CRB1: variants seen among roughly 807,000 people sequenced by gnomAD.
CRB1 encodes the protein crumbs cell polarity complex component 1, also known as protein crumbs homolog 1.
CRB1 carries 83 observed loss-of-function variants against 120.0 expected under a neutral mutation model. That is an observed-to-expected ratio of 0.69 (90% CI 0.58 to 0.83). The LOEUF (loss-of-function observed/expected upper bound fraction) is 0.83. CRB1 is among the 40% of genes least tolerant of loss of function. CRB1 has a pLI of 0.00. For synonymous variants in CRB1, 625 were observed against 612.5 expected (o/e 1.02, Z -0.30); for missense variants, 1,699 against 1,687.6 (o/e 1.01, Z -0.12).
chr1:197,342,791 C>A (rs1489999437), intron 2 of CRB1, among the ~76,000 whole-genome samples: 1 of 152,172 alleles, frequency 6.6e-6, no homozygotes, highest in Non-Finnish European at 1.5e-5. Flanking sequence ...TATAGTAATA[C>A]CTACCATTGA....
intron 4 of CRB1, among the ~76,000 whole-genome samples, chr1:197,355,205 T>C (rs1195971830): frequency 1.3e-5 from 2 of 151,992 alleles, no homozygotes; most frequent in East Asian, 3.9e-4. Flanking sequence ...CCCCACCAGA[T>C]TAGCTAGATA....
At chr1:197,468,746 A>G (rs552875782) in intron 11 of CRB1, among the ~76,000 whole-genome samples, 20 of 152,226 alleles carry the variant, frequency 1.3e-4, no homozygotes, top group Non-Finnish European at 2.8e-4. Context: ...GCCTAGCTAC[A>G]GCTCTTCTCA....
intron 1 of CRB1, among the ~76,000 whole-genome samples, chr1:197,279,403 C>A (rs1321398760): frequency 6.6e-6 from 1 of 151,792 alleles, no homozygotes; most frequent in Non-Finnish European, 1.5e-5. Flanking sequence ...TCTACAATTT[C>A]TCCTAAAGTA....
At chr1:197,293,016 C>T (rs1656285389) in intron 1 of CRB1, among the ~76,000 whole-genome samples, 3 of 152,108 alleles carry the variant, frequency 2.0e-5, no homozygotes, top group South Asian at 2.1e-4. Flanking sequence ...CAGAGATGCC[C>T]TCTCTCACCA....
At chr1:197,212,362 C>G in the CRB1 span, among the ~76,000 whole-genome samples, 1 of 152,034 alleles carries the variant, frequency 6.6e-6, no homozygotes, top group Admixed American at 6.6e-5. Flanking sequence ...ACACTGGAAA[C>G]AACCCAAACC....
chr1:197,429,067 G>A (rs1210524993), intron 7 of CRB1: 1 of 1,497,240 alleles, frequency 6.7e-7, no homozygotes, highest in Admixed American at 2.0e-5. Flanking sequence ...AGGATCTTGG[G>A]CAACTGGAAA....
intron 5 of CRB1, among the ~76,000 whole-genome samples, chr1:197,395,354 A>G (rs1254199012): frequency 6.6e-6 from 1 of 152,170 alleles, no homozygotes; most frequent in Non-Finnish European, 1.5e-5. Flanking sequence ...TATTTACCGT[A>G]CAAGGAAGCA....
intron 2 of CRB1, among the ~76,000 whole-genome samples, chr1:197,341,587 A>T (rs565056225): frequency 7.2e-5 from 11 of 152,282 alleles, no homozygotes. Flanking sequence ...CAGAATGCTA[A>T]TGTATATCTA....
the CRB1 span, among the ~76,000 whole-genome samples, chr1:197,236,080 A>T: frequency 6.6e-6 from 1 of 152,098 alleles, no homozygotes; most frequent in Admixed American, 6.6e-5. Flanking sequence ...TCCAGTACAA[A>T]CACATTTTAG....
At chr1:197,329,216 TA>T (rs1658711631) in intron 2 of CRB1, among the ~76,000 whole-genome samples, 1 of 152,256 alleles carries the variant, frequency 6.6e-6, no homozygotes, top group Admixed American at 6.5e-5. Context: ...GTTGCTGTTT[TA>T]AATGGAGCTC....
chr1:197,352,971 TA>T (rs1660192428), intron 4 of CRB1, among the ~76,000 whole-genome samples: 1 of 152,232 alleles, frequency 6.6e-6, no homozygotes, highest in African/African-American at 2.4e-5. Flanking sequence ...TGAGTAGTAC[TA>T]GTGATTGAAG....
At chr1:197,320,566 A>G (rs1003969660) in intron 1 of CRB1, among the ~76,000 whole-genome samples, 3 of 152,202 alleles carry the variant, frequency 2.0e-5, no homozygotes, top group African/African-American at 4.8e-5. Context: ...GGAATGTGGT[A>G]CAGGAGTAGA....
intron 5 of CRB1, among the ~76,000 whole-genome samples, chr1:197,419,353 A>C (rs1034978506): frequency 7.8e-6 from 1 of 128,746 alleles, no homozygotes; most frequent in African/African-American, 2.8e-5. Context: ...ACTGTGTGTC[A>C]GATTGGATTC....
intron 2 of CRB1, among the ~76,000 whole-genome samples, chr1:197,341,128 C>T (rs1182394818): frequency 1.3e-5 from 2 of 152,136 alleles, no homozygotes; most frequent in African/African-American, 2.4e-5. Flanking sequence ...CATCCCATAA[C>T]ACCTGGGAAT....
At chr1:197,352,696 T>A (rs1371672970) in intron 4 of CRB1, among the ~76,000 whole-genome samples, 1 of 151,782 alleles carries the variant, frequency 6.6e-6, no homozygotes, top group East Asian at 1.9e-4. Context: ...CTTTTTTTTT[T>A]TTTTTTTAAC....
chr1:197,307,843 CCT>C (rs760783200), intron 1 of CRB1, among the ~76,000 whole-genome samples: 2 of 152,146 alleles, frequency 1.3e-5, no homozygotes, highest in Non-Finnish European at 2.9e-5. Context: ...CCTCTCTCTC[CCT>C]GGTCCTTCCA....
chr1:197,330,990 C>T (rs1327013686), intron 2 of CRB1, among the ~76,000 whole-genome samples: 4 of 151,926 alleles, frequency 2.6e-5, no homozygotes, highest in Non-Finnish European at 5.9e-5. Context: ...GTCAGGAGAT[C>T]GAGACTACTG....
upstream of CRB1, among the ~76,000 whole-genome samples, chr1:197,265,678 G>A (rs1056072693): frequency 3.9e-5 from 6 of 152,260 alleles, no homozygotes; most frequent in South Asian, 6.2e-4. Context: ...CCCAAATGCC[G>A]AAGCTCAAAA....
At chr1:197,261,812 C>T in the CRB1 span, among the ~76,000 whole-genome samples, 1 of 152,110 alleles carries the variant, frequency 6.6e-6, no homozygotes, top group Non-Finnish European at 1.5e-5. Flanking sequence ...TGAATCTGAA[C>T]AGCAGCACTT....
Sources: gnomAD v4.1 joint callset for allele counts (sites outside exome capture counted in the v4.1 genomes callset) on GRCh38, gnomAD v4.1.1 for gene constraint, MANE v1.5 for transcripts, NCBI Gene and HGNC (gene_info 2026-07-23, HGNC 2026-07-21) for gene names.